SPRED1: variants seen among roughly 807,000 people sequenced by gnomAD.
The protein encoded by SPRED1 is sprouty-related, EVH1 domain-containing protein 1.
A neutral mutation model predicts 52.3 loss-of-function variants in SPRED1; 18 were observed. The observed-to-expected ratio is 0.34, with a 90% confidence interval of 0.24 to 0.51. SPRED1 has a LOEUF of 0.51. SPRED1 is among the 20% of genes least tolerant of loss of function. The pLI is 0.97. For synonymous variants in SPRED1, 155 were observed against 179.7 expected (o/e 0.86, Z 1.10); for missense variants, 485 against 551.0 (o/e 0.88, Z 1.20).
chr15:38,286,226 C>CAA (rs368405955), intron 1 of SPRED1, among the ~76,000 whole-genome samples: 60,200 of 89,610 alleles, frequency 0.67, 19,839 homozygotes, highest in South Asian at 0.75. Flanking sequence ...ACTCCAGCCT[C>CAA]AAAAAAAAAA....
intron 6 of SPRED1, 59 bp downstream of exon 6, chr15:38,349,582 G>A (rs530400140): frequency 3.8e-5 from 9 of 234,682 alleles, no homozygotes; most frequent in Non-Finnish European, 7.0e-5. Flanking sequence ...GATAGGTAAA[G>A]TTTTCCAGTC....
intron 1 of SPRED1, among the ~76,000 whole-genome samples, chr15:38,269,032 C>T (rs1012591879): frequency 4.0e-5 from 6 of 151,476 alleles, no homozygotes; most frequent in Non-Finnish European, 5.9e-5. Context: ...CCCCGCTTCC[C>T]GGGTTCACGC....
chr15:38,309,945 C>T (rs28872879), intron 2 of SPRED1, among the ~76,000 whole-genome samples: 31,970 of 152,000 alleles, frequency 0.21, 3,929 homozygotes, highest in Non-Finnish European at 0.27. Context: ...TTGTCCATCC[C>T]TCCACCAGTA....
At chr15:38,319,842 G>A (rs1223917748) in intron 2 of SPRED1, among the ~76,000 whole-genome samples, 2 of 152,134 alleles carry the variant, frequency 1.3e-5, no homozygotes, top group Non-Finnish European at 2.9e-5. Flanking sequence ...ATATTCAGTG[G>A]TATGCTGATA....
At chr15:38,320,754 C>A (rs902838551) in intron 2 of SPRED1, among the ~76,000 whole-genome samples, 4 of 152,036 alleles carry the variant, frequency 2.6e-5, no homozygotes, top group African/African-American at 7.2e-5. Flanking sequence ...ATAGGGGATT[C>A]TTAAAATAAT....
intron 4 of SPRED1, among the ~76,000 whole-genome samples, chr15:38,336,436 AATATT>A (rs1303714655): frequency 6.1e-5 from 2 of 32,746 alleles, no homozygotes; most frequent in African/African-American, 5.9e-5. Context: ...ATATATATAT[AATATT>A]ATATATATGT....
intron 1 of SPRED1, among the ~76,000 whole-genome samples, chr15:38,282,263 T>C (rs1894706149): frequency 6.6e-6 from 1 of 151,486 alleles, no homozygotes. Context: ...TCACTTGAGG[T>C]CAGGAGTTTG....
At chr15:38,274,200 G>A (rs554255559) in intron 1 of SPRED1, among the ~76,000 whole-genome samples, 1 of 152,286 alleles carries the variant, frequency 6.6e-6, no homozygotes, top group Admixed American at 6.5e-5. Flanking sequence ...TCCCTTTAGA[G>A]TAGAAGTTTA....
rs191609435 is a variant in SPRED1 at position 38,283,100 on chromosome 15, C to A, written c.33-16273C>A. Reference sequence around the variant, plus strand: ...AAAGGGATTTAGTGACTCACGGTTCCACAGGCTTAACAGAAAGCATGGCTA... The same window carrying A: ...AAAGGGATTTAGTGACTCACGGTTCAACAGGCTTAACAGAAAGCATGGCTA... On this transcript the variant is annotated intron_variant, in intron 1 of 6. Transcript: ENST00000299084. 4.8e-3 allele frequency among the ~76,000 whole-genome samples: 726 copies of A among 152,244 alleles called. 10 individuals carry two copies. Among genetic ancestry groups the A allele is most frequent in the South Asian group, 0.022 (108 of 4,814 alleles).
intron 2 of SPRED1, among the ~76,000 whole-genome samples, chr15:38,308,680 C>T (rs1338940703): frequency 1.3e-5 from 2 of 152,040 alleles, no homozygotes; most frequent in African/African-American, 4.8e-5. Flanking sequence ...AGAGTTTGTT[C>T]CTTTTATTGT....
intron 2 of SPRED1, among the ~76,000 whole-genome samples, chr15:38,319,857 G>T (rs147835549): frequency 6.6e-6 from 1 of 152,250 alleles, no homozygotes; most frequent in East Asian, 1.9e-4. Context: ...CTGATAAAAG[G>T]TTTAACAATC....
At chr15:38,272,736 T>C (rs1894465736) in intron 1 of SPRED1, among the ~76,000 whole-genome samples, 1 of 152,206 alleles carries the variant, frequency 6.6e-6, no homozygotes, top group Admixed American at 6.5e-5. Flanking sequence ...CTGACTAGTG[T>C]GAGATGGCAT....
chr15:38,353,292 C>CCAGATCAAA lies in SPRED1; in HGVS notation c.*1630_*1638dup, dbSNP rs1301189190. ...CTTGTGTTAGCTTTTTTCTTTTGCC[C>CCAGATCAAA]CAGATCAAACTGAACAATGTATATA... On this transcript the variant is annotated 3_prime_UTR_variant, in exon 7 of 7. Coordinates refer to ENST00000299084, the MANE Select transcript of SPRED1 (RefSeq NM_152594.3). 1 of 151,856 alleles carries CCAGATCAAA rather than the reference C, an allele frequency of 6.6e-6. No individual in the cohort carries two copies. The highest frequency in any genetic ancestry group is 1.5e-5 in the Non-Finnish European group (1 of 67,796). The allele number at this position is 151,856 out of a possible 1,614,324, so 9.4% of individuals were successfully genotyped here.
intron 5 of SPRED1, among the ~76,000 whole-genome samples, chr15:38,347,530 C>T (rs1481057736): frequency 1.5e-5 from 2 of 132,020 alleles, no homozygotes; most frequent in Non-Finnish European, 3.1e-5. Flanking sequence ...ATCAGCTTGT[C>T]AAATCTGATG....
intron 1 of SPRED1, among the ~76,000 whole-genome samples, chr15:38,261,998 C>CTTTTT (rs35445689): frequency 7.4e-6 from 1 of 135,656 alleles, no homozygotes; most frequent in Non-Finnish European, 1.6e-5. Flanking sequence ...TCACCAAACT[C>CTTTTT]TTTTTTTTTT....
chr15:38,296,164 C>T (rs1025432222), intron 1 of SPRED1, among the ~76,000 whole-genome samples: 1 of 152,004 alleles, frequency 6.6e-6, no homozygotes, highest in African/African-American at 2.4e-5. Flanking sequence ...TTCTACTTGT[C>T]TAGCAGTTGG....
In SPRED1 at chr15:38,351,619, T is replaced by G; in HGVS notation, c.1290T>G (p.Gly430=). 1 of 1,614,056 alleles carries G rather than the reference T, an allele frequency of 6.2e-7. No individual in the cohort carries two copies. The highest frequency in any genetic ancestry group is 1.1e-5 in the South Asian group (1 of 91,090). The part of the protein sequence containing the change: ...YVPLRMCHRC[G]EACGCCGGKH... Reference sequence around the variant, plus strand: ...CTTTGAGAATGTGCCATCGCTGTGGTGAGGCATGTGGTTGCTGTGGTGGGA... The same window carrying G: ...CTTTGAGAATGTGCCATCGCTGTGGGGAGGCATGTGGTTGCTGTGGTGGGA... The change falls in exon 7 of 7, where the codon GGT becomes GGG. Residue 430 remains glycine (G), a synonymous_variant. Coordinates refer to ENST00000299084, the MANE Select transcript of SPRED1 (RefSeq NM_152594.3).
chr15:38,350,428 C>A (rs1485186056), intron 6 of SPRED1, among the ~76,000 whole-genome samples: 1 of 152,148 alleles, frequency 6.6e-6, no homozygotes, highest in African/African-American at 2.4e-5. Flanking sequence ...GGCTCTATAT[C>A]CAAATACAGT....
intron 1 of SPRED1, among the ~76,000 whole-genome samples, chr15:38,282,755 A>G (rs1368514083): frequency 6.6e-6 from 1 of 152,192 alleles, no homozygotes; most frequent in Non-Finnish European, 1.5e-5. Context: ...TTTGCAGATG[A>G]AAAGTTTATA....
Sources: gnomAD v4.1 joint callset for allele counts (sites outside exome capture counted in the v4.1 genomes callset) on GRCh38, gnomAD v4.1.1 for gene constraint, MANE v1.5 for transcripts, NCBI Gene and HGNC (gene_info 2026-07-23, HGNC 2026-07-21) for gene names.